CKM: variants seen among roughly 807,000 people sequenced by gnomAD.
CKM encodes the protein creatine kinase, M-type.
CKM carries 28 observed loss-of-function variants against 35.4 expected under a neutral mutation model. That is an observed-to-expected ratio of 0.79 (90% CI 0.59 to 1.08). CKM has a LOEUF of 1.08. Among genes scored for constraint, CKM ranks in the 50% least tolerant of loss-of-function variants. The probability of loss-of-function intolerance (pLI) is 0.00; values close to 1 mark genes in which losing one functional copy is unlikely to be tolerated. For missense variants in CKM, 484 were observed against 509.8 expected, an observed-to-expected ratio of 0.95 and a Z score of 0.49; for synonymous variants, 215 against 204.4, an observed-to-expected ratio of 1.05 and a Z score of -0.44.
intron 7 of CKM, 34 bp downstream of exon 7, chr19:45,307,427 C>T (rs1289948292): frequency 1.2e-6 from 2 of 1,607,088 alleles, no homozygotes; most frequent in Admixed American, 1.7e-5. Flanking sequence ...CTCGCTCCCC[C>T]TCCGTCGTGG....
chr19:45,310,339 C>G (rs1038801116), intron 5 of CKM, among the ~76,000 whole-genome samples: 10 of 151,838 alleles, frequency 6.6e-5, no homozygotes, highest in African/African-American at 2.2e-4. Context: ...CCAGGATGGT[C>G]TCGATCTCCT....
At chr19:45,316,376 C>T (rs1336467193) in intron 3 of CKM, among the ~76,000 whole-genome samples, 1 of 149,896 alleles carries the variant, frequency 6.7e-6, no homozygotes, top group African/African-American at 2.4e-5. Context: ...GTTGCCCAGG[C>T]TGGTCTCAAA....
chr19:45,313,168 A>C (rs1971126081), intron 4 of CKM, among the ~76,000 whole-genome samples: 1 of 152,122 alleles, frequency 6.6e-6, no homozygotes, highest in African/African-American at 2.4e-5. Context: ...CTCTTTGTCC[A>C]GCAGGTCTAT....
At chr19:45,317,750 T>C in intron 3 of CKM, 75 bp downstream of exon 3, 1 of 1,501,172 alleles carries the variant, frequency 6.7e-7, no homozygotes, top group Non-Finnish European at 9.3e-7. Flanking sequence ...TCTGTATTTC[T>C]CTGTCTCCCC....
Position 45,315,722 on chromosome 19 carries a change from T to G in CKM, c.349-125A>C. On this transcript the variant is annotated intron_variant, in intron 3 of 7. Coordinates refer to ENST00000221476, the MANE Select transcript of CKM (RefSeq NM_001824.5). ...CTTTGCCTTCTGCATCCTCACTGAT[T>G]GGGTGTGTGGAGCCTCTCCCCGCCA... The G allele has an allele frequency of 6.9e-6, 9 of 1,300,244 alleles. No individual in the cohort carries two copies. In the South Asian group the frequency reaches 9.0e-5, roughly 13 times the overall value. 80.5% of individuals were successfully genotyped at this position (1,300,244 alleles called of 1,614,324 possible).
intron 5 of CKM, among the ~76,000 whole-genome samples, chr19:45,310,722 A>C (rs962444696): frequency 1.5e-5 from 2 of 132,104 alleles, no homozygotes; most frequent in Non-Finnish European, 3.1e-5. Context: ...CAGCCTCTCG[A>C]GTAGCTGGGA....
intron 3 of CKM, among the ~76,000 whole-genome samples, chr19:45,317,511 T>TCCTGGC (rs1971169979): frequency 6.6e-6 from 1 of 152,022 alleles, no homozygotes; most frequent in Non-Finnish European, 1.5e-5. Context: ...GGTCTCAAAC[T>TCCTGGC]CTCAATCTAA....
chr19:45,311,829 G>T lies in CKM; in HGVS notation c.573C>A (p.His191Gln). 6.2e-7 allele frequency: 1 copy of T among 1,613,362 alleles called. No individual in the cohort carries two copies. Among genetic ancestry groups the T allele is most frequent in the Non-Finnish European group, 8.5e-7 (1 of 1,179,778 alleles). The change falls in exon 5 of 8, where the codon CAC becomes CAA. Residue 191 changes from histidine to glutamine, a missense_variant. Physicochemically the swap from His to Gln is conservative, Grantham distance 24. Transcript: ENST00000221476. ...EKEQQQLIDD[H>Q]FLFDKPVSPL... ...GGGACACGGGCTTGTCGAACAGGAAGTGGTCATCGATGAGCTGCTGCTGCT... is the reference window on the plus strand; with the variant it reads ...GGGACACGGGCTTGTCGAACAGGAATTGGTCATCGATGAGCTGCTGCTGCT...
At chr19:45,319,200 C>G (rs1971187546) in intron 2 of CKM, among the ~76,000 whole-genome samples, 1 of 152,212 alleles carries the variant, frequency 6.6e-6, no homozygotes. Flanking sequence ...AGGTGCCACT[C>G]TAAGCACTGC....
intron 6 of CKM, among the ~76,000 whole-genome samples, chr19:45,307,927 GATCTCGTCTCACTGCA>G (rs1037284612): frequency 6.7e-6 from 1 of 149,320 alleles, no homozygotes; most frequent in African/African-American, 2.5e-5. Context: ...GCAATGGCGT[GATCTCGTCTCACTGCA>G]ACCTCTGCCT....
Position 45,319,462 on chromosome 19 carries a change from G to A in CKM, c.193+59C>T, listed in dbSNP as rs635898. The A allele has an allele frequency of 1.7e-3, 2,426 of 1,407,764 alleles. 30 individuals are homozygous for A. The African/African-American group carries it at 0.029, about 17-fold the overall frequency. 87.2% of individuals were successfully genotyped at this position (1,407,764 alleles called of 1,614,324 possible). A position where few individuals can be genotyped will look rare whatever the true frequency, so the allele number is the denominator to read the frequency against. On this transcript the variant is annotated intron_variant, in intron 2 of 7. Transcript: ENST00000221476. ...TTCAAGGGTGGTGGGATTGGGGCAT[G>A]GCCGGCAGCCTCCAGAGCCCCCATG... is the stretch of plus-strand genomic sequence containing the variant.
chr19:45,311,643 A>C (rs1424296548), intron 5 of CKM, 106 bp downstream of exon 5: 5 of 930,152 alleles, frequency 5.4e-6, no homozygotes, highest in East Asian at 2.6e-5. Context: ...TTAGAAGATC[A>C]TAATTACGTA....
At chr19:45,313,944 T>C (rs1365775627) in intron 4 of CKM, among the ~76,000 whole-genome samples, 1 of 152,092 alleles carries the variant, frequency 6.6e-6, no homozygotes, top group African/African-American at 2.4e-5. Flanking sequence ...GAGGATCACT[T>C]AAGCCCAGGA....
chr19:45,316,539 C>G (rs1435579132), intron 3 of CKM, among the ~76,000 whole-genome samples: 1 of 151,038 alleles, frequency 6.6e-6, no homozygotes, highest in Non-Finnish European at 1.5e-5. Context: ...TGGTCGTGAA[C>G]TCTCCTGGCT....
rs781509935 is a variant in CKM at position 45,319,596 on chromosome 19, T to C, written c.118A>G (p.Lys40Glu). Residue 40 changes from lysine to glutamate, a missense_variant, in exon 2 of 8, where the codon AAG becomes GAG. Transcript: ENST00000221476. ...GGAGTCTCCTTGTCCCGCAGCTTCT[T>C]GTAGAGTTCAAGGGTCAGTACCTTG... ...MAKVLTLELYKKLRDKETPSG... is the reference protein window; with the variant it reads ...MAKVLTLELYEKLRDKETPSG... 1.2e-6 allele frequency: 2 copies of C among 1,614,026 alleles called. No homozygotes were observed. Among genetic ancestry groups the C allele is most frequent in the Middle Eastern group, 1.6e-4 (1 of 6,062 alleles).
At chr19:45,318,739 C>T (rs928823525) in intron 2 of CKM, among the ~76,000 whole-genome samples, 2 of 152,102 alleles carry the variant, frequency 1.3e-5, no homozygotes, top group African/African-American at 4.8e-5. Context: ...GGGGCTTCTC[C>T]CCGGCATCAC....
chr19:45,313,799 T>C (rs1226221014), intron 4 of CKM, among the ~76,000 whole-genome samples: 6 of 152,122 alleles, frequency 3.9e-5, no homozygotes, highest in African/African-American at 1.4e-4. Context: ...TAAGCCAAGA[T>C]TGCACCACTG....
chr19:45,311,661 T>C, intron 5 of CKM, 88 bp downstream of exon 5: 1 of 1,138,450 alleles, frequency 8.8e-7, no homozygotes, highest in Non-Finnish European at 1.2e-6. Context: ...GTATATGGCC[T>C]TGGTTTTGGT....
At chr19:45,320,547 GCCGTATC>G (rs1471957421) in intron 1 of CKM, among the ~76,000 whole-genome samples, 7 of 152,258 alleles carry the variant, frequency 4.6e-5, no homozygotes, top group Non-Finnish European at 8.8e-5. Context: ...GCCTGGCTCT[GCCGTATC>G]CCAGTTGGGT....
Sources: allele counts gnomAD v4.1 joint callset (sites outside exome capture counted in the v4.1 genomes callset), GRCh38; gene constraint gnomAD v4.1.1; transcripts MANE v1.5; gene names NCBI Gene and HGNC (gene_info 2026-07-23, HGNC 2026-07-21).